Variants in CNTNAP2 observed in about 807,000 individuals in gnomAD.
CNTNAP2 encodes the protein contactin associated protein 2, also known as contactin-associated protein-like 2.
In CNTNAP2, 98 loss-of-function variants were observed where a neutral mutation model predicts 155.2. The ratio of observed to expected loss-of-function variants is 0.63; its 90% CI spans 0.54 to 0.75. The LOEUF is 0.75. CNTNAP2 is among the 30% of genes least tolerant of loss of function. The pLI, the probability that CNTNAP2 is intolerant of heterozygous loss-of-function variation, is 0.00. For synonymous variants in CNTNAP2, 651 were observed against 631.2 expected (o/e 1.03, Z -0.47); for missense variants, 1,727 against 1,688.1 (o/e 1.02, Z -0.40).
intron 1 of CNTNAP2, among the ~76,000 whole-genome samples, chr7:146,196,114 C>T (rs1364953965): frequency 6.6e-6 from 1 of 152,160 alleles, no homozygotes; most frequent in East Asian, 1.9e-4. Flanking sequence ...TTTGCATATG[C>T]ATATGGAATG....
At chr7:146,573,213 G>T (rs1300089160) in intron 1 of CNTNAP2, among the ~76,000 whole-genome samples, 1 of 152,048 alleles carries the variant, frequency 6.6e-6, no homozygotes, top group African/African-American at 2.4e-5. Context: ...CACAATCTCG[G>T]CTCACTGCAG....
At chr7:148,366,942 AAC>A (rs1407276452) in intron 21 of CNTNAP2, among the ~76,000 whole-genome samples, 1 of 152,244 alleles carries the variant, frequency 6.6e-6, no homozygotes, top group African/African-American at 2.4e-5. Flanking sequence ...CATTAAGAAA[AAC>A]CATCACAGCT....
chr7:147,072,199 C>T (rs1799905610), intron 4 of CNTNAP2, among the ~76,000 whole-genome samples: 1 of 151,962 alleles, frequency 6.6e-6, no homozygotes, highest in Non-Finnish European at 1.5e-5. Flanking sequence ...AAACAGAACT[C>T]TTGGGGCAGA....
At chr7:146,803,070 A>G (rs527482704) in intron 2 of CNTNAP2, among the ~76,000 whole-genome samples, 1 of 152,326 alleles carries the variant, frequency 6.6e-6, no homozygotes, top group African/African-American at 2.4e-5. Flanking sequence ...TCTCAATTTC[A>G]TTTATGGGAG....
rs186320434 is a variant in CNTNAP2, at chr7:146,684,920, A to G, written c.98-89351A>G. On this transcript the variant is annotated intron_variant, in intron 1 of 23. Coordinates refer to ENST00000361727, the MANE Select transcript of CNTNAP2 (RefSeq NM_014141.6). Reference sequence around the variant, plus strand: ...TGGATTTGGCTTTCAGATGGTGTCAATTAAATAATGTAAGCTAAAGAGCCA... The same window carrying G: ...TGGATTTGGCTTTCAGATGGTGTCAGTTAAATAATGTAAGCTAAAGAGCCA... Among the ~76,000 whole-genome samples the G allele has an allele frequency of 2.1e-3, 317 of 152,274 alleles. 1 individual carries two copies. Among genetic ancestry groups the G allele is most frequent in the Non-Finnish European group, 3.3e-3 (224 of 68,024 alleles).
At chr7:146,196,115 A>C (rs1023651833) in intron 1 of CNTNAP2, among the ~76,000 whole-genome samples, 1 of 152,222 alleles carries the variant, frequency 6.6e-6, no homozygotes, top group African/African-American at 2.4e-5. Flanking sequence ...TTGCATATGC[A>C]TATGGAATGC....
chr7:148,074,892 T>C (rs973240472), intron 15 of CNTNAP2, among the ~76,000 whole-genome samples: 4 of 152,162 alleles, frequency 2.6e-5, no homozygotes, highest in African/African-American at 9.7e-5. Flanking sequence ...TTATCAACAC[T>C]TTCTCATCCC....
chr7:146,792,549 G>C (rs1802693480), intron 2 of CNTNAP2, among the ~76,000 whole-genome samples: 1 of 152,178 alleles, frequency 6.6e-6, no homozygotes, highest in African/African-American at 2.4e-5. Context: ...GTGTTGAAAG[G>C]CTGCTCAAAC....
intron 13 of CNTNAP2, among the ~76,000 whole-genome samples, chr7:147,746,484 G>A (rs530385754): frequency 4.6e-5 from 7 of 152,194 alleles, no homozygotes; most frequent in African/African-American, 1.2e-4. Flanking sequence ...TTTATAAGTC[G>A]TGATCAATAA....
chr7:148,149,764 C>A (rs1012030199), intron 17 of CNTNAP2, among the ~76,000 whole-genome samples: 1 of 151,972 alleles, frequency 6.6e-6, no homozygotes, highest in Non-Finnish European at 1.5e-5. Flanking sequence ...GTTGGCCAGG[C>A]TGGTCTCAAA....
At chr7:146,145,607 C>A (rs1221686643) in intron 1 of CNTNAP2, among the ~76,000 whole-genome samples, 2 of 152,092 alleles carry the variant, frequency 1.3e-5, no homozygotes, top group African/African-American at 4.8e-5. Context: ...GAATTGTTTC[C>A]TTCTGCATGG....
At chr7:148,070,866 C>G (rs183180503) in intron 15 of CNTNAP2, among the ~76,000 whole-genome samples, 1 of 152,226 alleles carries the variant, frequency 6.6e-6, no homozygotes, top group East Asian at 1.9e-4. Context: ...TGAGCAATAT[C>G]AGGTAAATGA....
intron 1 of CNTNAP2, among the ~76,000 whole-genome samples, chr7:146,658,031 A>G (rs1196085898): frequency 1.3e-5 from 2 of 152,176 alleles, no homozygotes; most frequent in Non-Finnish European, 2.9e-5. Context: ...ATAATTTTTA[A>G]ATTTCTAGAC....
chr7:147,307,897 T>C lies in CNTNAP2; in HGVS notation c.1498+7607T>C, dbSNP rs111872853. Among the ~76,000 whole-genome samples the C allele has an allele frequency of 1.0e-3, 158 of 152,342 alleles. 3 individuals are homozygous for C. Among genetic ancestry groups the C allele is most frequent in the African/African-American group, 3.6e-3 (148 of 41,574 alleles). The stretch of plus-strand genomic sequence containing the variant: ...AATATTTTCTGAAAACCTGGCATTA[T>C]TGTTCATGTTGAGGTAGTGAACAAA... On this transcript the variant is annotated intron_variant, in intron 9 of 23. Coordinates refer to ENST00000361727, the MANE Select transcript of CNTNAP2 (RefSeq NM_014141.6).
intron 13 of CNTNAP2, among the ~76,000 whole-genome samples, chr7:147,749,183 T>A (rs1238216197): frequency 1.3e-5 from 2 of 152,232 alleles, no homozygotes; most frequent in Non-Finnish European, 2.9e-5. Context: ...TTTTCTTGCA[T>A]TGTATACAAA....
chr7:146,755,144 C>T (rs1398128212), intron 1 of CNTNAP2, among the ~76,000 whole-genome samples: 2 of 151,888 alleles, frequency 1.3e-5, no homozygotes, highest in Non-Finnish European at 1.5e-5. Flanking sequence ...GGAATTTGTG[C>T]CTGTAAACCT....
chr7:147,485,812 T>C, intron 10 of CNTNAP2, 123 bp from the exon 11 acceptor site: 1 of 867,526 alleles, frequency 1.2e-6, no homozygotes, highest in Admixed American at 1.7e-5. Flanking sequence ...CTAACAAGGA[T>C]TAATTGCCTT....
At chr7:146,248,056 T>G (rs1229106310) in intron 1 of CNTNAP2, among the ~76,000 whole-genome samples, 2 of 142,778 alleles carry the variant, frequency 1.4e-5, no homozygotes, top group East Asian at 4.0e-4. Context: ...AAATAAGGGA[T>G]CGGGGCACAG....
At chr7:147,992,563 T>A (rs1801730450) in intron 15 of CNTNAP2, among the ~76,000 whole-genome samples, 1 of 152,208 alleles carries the variant, frequency 6.6e-6, no homozygotes, top group South Asian at 2.1e-4. Flanking sequence ...AAAAGGGGAC[T>A]CCTGTGTCCC....
Sources: allele counts gnomAD v4.1 joint callset (sites outside exome capture counted in the v4.1 genomes callset), GRCh38; gene constraint gnomAD v4.1.1; transcripts MANE v1.5; gene names NCBI Gene and HGNC (gene_info 2026-07-23, HGNC 2026-07-21).